RNF44: variants seen among roughly 807,000 people sequenced by gnomAD.
RNF44 encodes the protein ring finger protein 44.
RNF44 carries 25 observed loss-of-function variants against 53.6 expected under a neutral mutation model. The ratio of observed to expected loss-of-function variants is 0.47; its 90% CI spans 0.34 to 0.65. The LOEUF is 0.65. RNF44 is among the 30% of genes least tolerant of loss of function. The pLI is 0.01. For synonymous variants in RNF44, 282 were observed against 252.2 expected (o/e 1.12, Z -1.12); for missense variants, 581 against 595.5 (o/e 0.98, Z 0.25).
chr5:176,539,602 C>T (rs892519145), upstream of RNF44, among the ~76,000 whole-genome samples: 3 of 151,956 alleles, frequency 2.0e-5, no homozygotes, highest in Admixed American at 6.6e-5. Context: ...GCAGGAGAAT[C>T]GCTTGAACAT....
At chr5:176,532,591 A>C in intron 1 of RNF44, 75 bp from the exon 2 acceptor site, 1 of 1,305,282 alleles carries the variant, frequency 7.7e-7, no homozygotes, top group Non-Finnish European at 1.0e-6. Flanking sequence ...AAAAATACAA[A>C]AACTAGCCAG....
Position 176,531,267 on chromosome 5 carries a change from G to A in RNF44, c.465+196C>T, listed in dbSNP as rs186411175. 1.3e-5 allele frequency among the ~76,000 whole-genome samples: 2 copies of A among 152,370 alleles called. No homozygotes were observed. The highest frequency in any genetic ancestry group is 1.3e-4 in the Admixed American group (2 of 15,306). On this transcript the variant is annotated intron_variant, in intron 4 of 10. Transcript: ENST00000274811. The surrounding 1 kb of genome is among the most constrained non-coding windows in gnomAD (Gnocchi z 4.2). ...TGAGGCAGGTACAGGGGTACTGGAAGGTTCCTGAACCTTGAAACACTCTAT... is the reference window on the plus strand; with the variant it reads ...TGAGGCAGGTACAGGGGTACTGGAAAGTTCCTGAACCTTGAAACACTCTAT...
Position 176,531,758 on chromosome 5 carries a change from T to C in RNF44, c.298-128A>G, listed in dbSNP as rs997916440. On this transcript the variant is annotated intron_variant, in intron 3 of 10. Coordinates refer to ENST00000274811, the MANE Select transcript of RNF44 (RefSeq NM_014901.5). The surrounding 1 kb of genome is among the most constrained non-coding windows in gnomAD (Gnocchi z 4.2). ...CCTTCTCCACGGCGGCCTACCTCAG[T>C]GCAGACCAGACTGTGCCTCTACTCC... 1 of 1,025,580 alleles carries C rather than the reference T, an allele frequency of 9.8e-7. No homozygotes were observed. The highest frequency in any genetic ancestry group is 1.4e-6 in the Non-Finnish European group (1 of 716,326). 63.5% of individuals were successfully genotyped at this position (1,025,580 alleles called of 1,614,324 possible). A position where few individuals can be genotyped will look rare whatever the true frequency, so the allele number is the denominator to read the frequency against.
chr5:176,530,404 CCGGAGCCCAGG>C, intron 6 of RNF44, among the ~76,000 whole-genome samples, 167 bp downstream of exon 6: 1 of 106,898 alleles, frequency 9.4e-6, no homozygotes. Context: ...CCCAGCCGCC[CCGGAGCCCAGG>C]TGCAAGTCAG....
At position 176,530,042 on chromosome 5, in the gene RNF44, C is replaced by T. The variant is rs1258851786; in HGVS notation, c.926+40G>A. ...CTAACCACTGGAGGTTCCAGGAGAA[C>T]AGGGCATCAGGGACCTGGGGCGGAT... On this transcript the variant is annotated intron_variant, in intron 7 of 10. Coordinates refer to ENST00000274811, the MANE Select transcript of RNF44 (RefSeq NM_014901.5). 2.2e-6 allele frequency: 3 copies of T among 1,354,630 alleles called. No homozygotes were observed. The East Asian group carries it at 8.6e-5, about 39-fold the overall frequency. 83.9% of individuals were successfully genotyped at this position (1,354,630 alleles called of 1,614,324 possible).
Position 176,531,444 on chromosome 5 carries a change from G to A in RNF44, c.465+19C>T. 1 of 1,545,296 alleles carries A rather than the reference G, an allele frequency of 6.5e-7. No individual in the cohort carries two copies. On this transcript the variant is annotated intron_variant, in intron 4 of 10. Coordinates refer to ENST00000274811, the MANE Select transcript of RNF44 (RefSeq NM_014901.5). The surrounding 1 kb of genome is among the most constrained non-coding windows in gnomAD (Gnocchi z 4.2). ...GGGGCTTGCAGCTGGTGGAGGAGGAGCTAGAAACACTCACTCACCGGGGGC... is the reference window on the plus strand; with the variant it reads ...GGGGCTTGCAGCTGGTGGAGGAGGAACTAGAAACACTCACTCACCGGGGGC...
rs531767589 is a variant in RNF44, at chr5:176,530,136, G to A, written c.872C>T (p.Pro291Leu). The A allele has an allele frequency of 3.2e-5, 39 of 1,233,154 alleles. No individual in the cohort carries two copies. The highest frequency in any genetic ancestry group is 3.5e-5 in the African/African-American group (2 of 57,958). The allele number at this position is 1,233,154 out of a possible 1,614,324, so 76.4% of individuals were successfully genotyped here. A position where few individuals can be genotyped will look rare whatever the true frequency, so the allele number is the denominator to read the frequency against. The change falls in exon 7 of 11, where the codon CCG (proline) becomes CTG (leucine). Residue 291 changes from proline to leucine, a missense_variant. Around this residue, in one of 3 missense-constraint regions of RNF44, gnomAD observed 183 missense variants for 198.6 expected, o/e 0.92. Coordinates refer to ENST00000274811, the MANE Select transcript of RNF44 (RefSeq NM_014901.5). ...RYRLQQPLPP[P>L]PPPPPPPPYY... ...GGGTGGTGGGGGTGGGGGTGGGGGC[G>A]GCGGGGGCAGTGGCTGCTGCAGGCG...
upstream of RNF44, among the ~76,000 whole-genome samples, chr5:176,538,250 ATACTT>A (rs2113215023): frequency 1.3e-5 from 2 of 152,334 alleles, no homozygotes; most frequent in Non-Finnish European, 1.5e-5. Context: ...TGAAGCGTCT[ATACTT>A]TAGTTTTCTA....
rs572844949 is a variant in RNF44 at position 176,529,467 on chromosome 5, C to T, written c.1136+56G>A. ...TGGAGTGTGACTCCCCTGAGAGGGG[C>T]GTCCCACGGCAGCCAGCTGTGTTCA... is the stretch of plus-strand genomic sequence containing the variant. On this transcript the variant is annotated intron_variant, in intron 9 of 10. Coordinates refer to ENST00000274811, the MANE Select transcript of RNF44 (RefSeq NM_014901.5). The T allele has an allele frequency of 8.4e-5, 135 of 1,607,606 alleles. No individual in the cohort carries two copies. In the African/African-American group the frequency reaches 8.5e-4, roughly 10 times the overall value.
In RNF44 at chr5:176,530,404, C is replaced by T. The variant is rs1281183386; in HGVS notation, c.801+178G>A. Among the ~76,000 whole-genome samples, 21 of 106,890 alleles carry T rather than the reference C, an allele frequency of 2.0e-4. 1 individual carries two copies. The highest frequency in any genetic ancestry group is 3.6e-4 in the African/African-American group (11 of 30,386). The allele number at this position is 106,890 out of a possible 152,430, so 70.1% of individuals were successfully genotyped here. A position where few individuals can be genotyped will look rare whatever the true frequency, so the allele number is the denominator to read the frequency against. On this transcript the variant is annotated intron_variant, in intron 6 of 10. Transcript: ENST00000274811. ...CCGGTGGGCCTGCCTCCCAGCCGCC[C>T]CGGAGCCCAGGTGCAAGTCAGCCCA...
In RNF44 at chr5:176,529,025, G is replaced by GC; in HGVS notation, c.*2dup. 1 of 1,611,340 alleles carries GC rather than the reference G, an allele frequency of 6.2e-7. No homozygotes were observed. Among genetic ancestry groups the GC allele is most frequent in the Non-Finnish European group, 8.5e-7 (1 of 1,179,260 alleles). ...GTTCTCCCGGGCAGGCGGCTGCGTG[G>GC]CCTCACTCAGCCTCCCTGGGCACCT... On this transcript the variant is annotated 3_prime_UTR_variant, in exon 11 of 11. Coordinates refer to ENST00000274811, the MANE Select transcript of RNF44 (RefSeq NM_014901.5).
Position 176,531,613 on chromosome 5 carries a change from G to C in RNF44, c.315C>G (p.Val105=). The change falls in exon 4 of 11, where the codon GTC becomes GTG. Residue 105 remains valine (V), a synonymous_variant. Coordinates refer to ENST00000274811, the MANE Select transcript of RNF44 (RefSeq NM_014901.5). This position sits in a 1 kb window ranked among gnomAD's most constrained non-coding sequence, Gnocchi z 4.2. ...CTGTGGTGACCGTGTAGGACAGAGG[G>C]ACAGGTCCCTGGTGCACCTGTGGGT... ...DLHEQVHQGP[V]PLSYTVTTVT... The C allele has an allele frequency of 2.5e-6, 4 of 1,611,936 alleles. No individual in the cohort carries two copies. Among genetic ancestry groups the C allele is most frequent in the South Asian group, 1.1e-5 (1 of 90,922 alleles).
rs1018253414 is a variant in RNF44, at chr5:176,527,291, T to G, written c.*1737A>C. On this transcript the variant is annotated 3_prime_UTR_variant, in exon 11 of 11. Coordinates refer to ENST00000274811, the MANE Select transcript of RNF44 (RefSeq NM_014901.5). ...TCCTAAGTAATTGTTGTATAAATCT[T>G]GTTTTTTAATGATGATCTTTTTAAA... 6.6e-6 allele frequency: 1 copy of G among 152,460 alleles called. No individual in the cohort carries two copies. The allele number at this position is 152,460 out of a possible 1,614,324, so 9.4% of individuals were successfully genotyped here. A position where few individuals can be genotyped will look rare whatever the true frequency, so the allele number is the denominator to read the frequency against.
rs1309760615 is a variant in RNF44 at position 176,537,218 on chromosome 5, A to G, written c.-323T>C. 6.6e-6 allele frequency: 1 copy of G among 152,312 alleles called. No individual in the cohort carries two copies. The allele number at this position is 152,312 out of a possible 1,614,324, so 9.4% of individuals were successfully genotyped here. A position where few individuals can be genotyped will look rare whatever the true frequency, so the allele number is the denominator to read the frequency against. On this transcript the variant is annotated 5_prime_UTR_variant, in exon 1 of 11. Coordinates refer to ENST00000274811, the MANE Select transcript of RNF44 (RefSeq NM_014901.5). ...CTCAGGGAGCGGGAGGCGGCGCAGGACGCAGCTGGGTCTGCGCGGCAGCCG... is the reference window on the plus strand; with the variant it reads ...CTCAGGGAGCGGGAGGCGGCGCAGGGCGCAGCTGGGTCTGCGCGGCAGCCG...
At position 176,529,019 on chromosome 5, in the gene RNF44, T is replaced by C; in HGVS notation, c.*9A>G. The stretch of plus-strand genomic sequence containing the variant: ...GGCAGGGTTCTCCCGGGCAGGCGGC[T>C]GCGTGGCCTCACTCAGCCTCCCTGG... On this transcript the variant is annotated 3_prime_UTR_variant, in exon 11 of 11. Coordinates refer to ENST00000274811, the MANE Select transcript of RNF44 (RefSeq NM_014901.5). 6.2e-7 allele frequency: 1 copy of C among 1,610,298 alleles called. No individual in the cohort carries two copies.
chr5:176,529,428 AT>A, intron 9 of RNF44, 41 bp from the exon 10 acceptor site: 2 of 1,603,974 alleles, frequency 1.2e-6, no homozygotes, highest in Non-Finnish European at 1.7e-6. Flanking sequence ...GCTGAGGGCC[AT>A]GGGAAGGCTC....
chr5:176,533,143 A>C (rs1000124392), intron 1 of RNF44, among the ~76,000 whole-genome samples: 2 of 152,162 alleles, frequency 1.3e-5, no homozygotes, highest in African/African-American at 2.4e-5. Context: ...TCCAGGCGGC[A>C]GCTGGGGGTT....
Position 176,531,200 on chromosome 5 carries a change from G to A in RNF44, c.466-179C>T, listed in dbSNP as rs542704099. 1.3e-5 allele frequency among the ~76,000 whole-genome samples: 2 copies of A among 152,322 alleles called. No individual in the cohort carries two copies. The highest frequency in any genetic ancestry group is 4.1e-4 in the South Asian group (2 of 4,832). ...GGCCACCCAGGCAGGACACTCCACT[G>A]TTAAGGCCCACAGCCTCAACTCCTG... On this transcript the variant is annotated intron_variant, in intron 4 of 10. Coordinates refer to ENST00000274811, the MANE Select transcript of RNF44 (RefSeq NM_014901.5). The surrounding 1 kb of genome is among the most constrained non-coding windows in gnomAD (Gnocchi z 4.2).
Position 176,530,985 on chromosome 5 carries a change from G to A in RNF44, c.502C>T (p.Pro168Ser). 3 of 1,455,464 alleles carry A rather than the reference G, an allele frequency of 2.1e-6. No homozygotes were observed. Among genetic ancestry groups the A allele is most frequent in the South Asian group, 1.6e-5 (1 of 63,670 alleles). 90.2% of individuals were successfully genotyped at this position (1,455,464 alleles called of 1,614,324 possible). ...ATGAGGTGGGGGTAGGCCTGATAGG[G>A]CACAGGCAGCTGCTGCATGGTGCAC... Reference protein sequence around the residue: ...QACTMQQLPVPYQAYPHLISS... With the variant: ...QACTMQQLPVSYQAYPHLISS... Residue 168 changes from proline (P) to serine (S), a missense_variant, in exon 5 of 11, where the codon CCC becomes TCC. Pro to Ser is a moderately conservative substitution (Grantham distance 74, BLOSUM62 -1). Around this residue, in one of 3 missense-constraint regions of RNF44, gnomAD observed 387 missense variants for 366.0 expected, o/e 1.06. Coordinates refer to ENST00000274811, the MANE Select transcript of RNF44 (RefSeq NM_014901.5).
Sources: allele counts gnomAD v4.1 joint callset (sites outside exome capture counted in the v4.1 genomes callset), GRCh38; gene constraint gnomAD v4.1.1; regional missense constraint gnomAD v4.1.1; non-coding constraint Gnocchi (gnomAD v3.1); transcripts MANE v1.5; gene names NCBI Gene and HGNC (gene_info 2026-07-23, HGNC 2026-07-21).